The following IARS1 variants were observed in gnomAD, a reference collection of about 807,000 sequenced individuals.
The protein encoded by IARS1 is isoleucyl-tRNA synthetase 1, also known as isoleucine--tRNA ligase, cytoplasmic.
In IARS1, 124 loss-of-function variants were observed where a neutral mutation model predicts 168.2. The observed-to-expected ratio is 0.74, with a 90% CI of 0.64 to 0.86. The LOEUF (loss-of-function observed/expected upper bound fraction) is 0.86. Among genes scored for constraint, IARS1 ranks in the 40% least tolerant of loss-of-function variants. IARS1 has a pLI of 0.00. For synonymous variants in IARS1, 532 were observed against 529.4 expected (o/e 1.00, Z -0.07); for missense variants, 1,452 against 1,515.8 (o/e 0.96, Z 0.70).
chr9:92,289,121 C>T (rs973357771), intron 2 of IARS1, among the ~76,000 whole-genome samples, 180 bp downstream of exon 2: 2 of 148,878 alleles, frequency 1.3e-5, no homozygotes, highest in Non-Finnish European at 3.0e-5. Flanking sequence ...GCAGGAGAAT[C>T]ACTTGCATCC....
Position 92,229,087 on chromosome 9 carries a change from C to T in IARS1, c.3323G>A (p.Arg1108Lys). The change falls in exon 31 of 34, where the codon AGG (arginine) becomes AAG (lysine). Residue 1108 changes from arginine (R) to lysine (K), a missense_variant. Transcript: ENST00000443024. ...LLLENPKGDNRLDLLKLKSVV... is the reference protein window; with the variant it reads ...LLLENPKGDNKLDLLKLKSVV... ...ACTCTTCAGCTTTAAAAGGTCCAAC[C>T]TATTGTCACCTTTTGGATTTTCCAG... 1 of 1,613,918 alleles carries T rather than the reference C, an allele frequency of 6.2e-7. No individual in the cohort carries two copies. Among genetic ancestry groups the T allele is most frequent in the East Asian group, 2.2e-5 (1 of 44,868 alleles).
intron 33 of IARS1, among the ~76,000 whole-genome samples, chr9:92,219,842 T>C (rs1001747561): frequency 1.3e-5 from 2 of 149,682 alleles, no homozygotes; most frequent in South Asian, 2.1e-4. Flanking sequence ...AGTTCAACCA[T>C]TGTGGAAGTC....
chr9:92,290,848 G>A (rs1836205973), intron 1 of IARS1, among the ~76,000 whole-genome samples: 1 of 152,044 alleles, frequency 6.6e-6, no homozygotes. Context: ...ACACTCACAT[G>A]ACAGAAATCA....
At chr9:92,270,047 T>A in intron 12 of IARS1, 64 bp from the exon 13 acceptor site, 1 of 926,948 alleles carries the variant, frequency 1.1e-6, no homozygotes, top group Admixed American at 1.7e-5. Context: ...ACGGTAAGAC[T>A]GACTTTTCAT....
At chr9:92,249,335 T>C (rs1829683068) in intron 25 of IARS1, among the ~76,000 whole-genome samples, 1 of 152,202 alleles carries the variant, frequency 6.6e-6, no homozygotes, top group African/African-American at 2.4e-5. Flanking sequence ...GCAGATCACT[T>C]GAGGTCAGGA....
In IARS1 at chr9:92,266,841, T is replaced by C. The variant is rs28584099; in HGVS notation, c.1432-1288A>G. Among the ~76,000 whole-genome samples the C allele has an allele frequency of 8.2e-3, 1,243 of 152,326 alleles. 16 individuals carry two copies. The highest frequency in any genetic ancestry group is 0.028 in the African/African-American group (1,177 of 41,580). Reference sequence around the variant, plus strand: ...GTCCTCCCCACATGCAGATGTCTAGTCTTCAACTTTCCAGTCATGCAGAAT... The same window carrying C: ...GTCCTCCCCACATGCAGATGTCTAGCCTTCAACTTTCCAGTCATGCAGAAT... On this transcript the variant is annotated intron_variant, in intron 14 of 33. Coordinates refer to ENST00000443024, the MANE Select transcript of IARS1 (RefSeq NM_002161.6).
chr9:92,286,105 C>T (rs1293415532), intron 5 of IARS1: 5 of 357,728 alleles, frequency 1.4e-5, no homozygotes, highest in Non-Finnish European at 2.6e-5. Context: ...CAGTGGCTCA[C>T]GTCTGTAATC....
intron 26 of IARS1, among the ~76,000 whole-genome samples, chr9:92,246,547 C>T (rs987003779): frequency 6.6e-6 from 1 of 152,200 alleles, no homozygotes; most frequent in African/African-American, 2.4e-5. Flanking sequence ...TGTTACCCTA[C>T]ACCTTCCCTT....
At chr9:92,238,713 C>T (rs909758853) in intron 30 of IARS1, among the ~76,000 whole-genome samples, 2 of 152,000 alleles carry the variant, frequency 1.3e-5, no homozygotes, top group African/African-American at 4.8e-5. Flanking sequence ...TTATATGTAT[C>T]CTGTGGTATA....
At chr9:92,228,610 A>C (rs1474138848) in intron 31 of IARS1, among the ~76,000 whole-genome samples, 1 of 152,196 alleles carries the variant, frequency 6.6e-6, no homozygotes, top group Non-Finnish European at 1.5e-5. Flanking sequence ...GTTACTTGGG[A>C]GGTCAAGGCA....
intron 30 of IARS1, among the ~76,000 whole-genome samples, chr9:92,230,735 C>T (rs1004218260): frequency 1.9e-4 from 29 of 152,142 alleles, no homozygotes; most frequent in African/African-American, 7.0e-4. Flanking sequence ...TTCTCACCAG[C>T]AATGTATGAG....
intron 17 of IARS1, among the ~76,000 whole-genome samples, chr9:92,261,703 T>C (rs2133804354): frequency 6.6e-6 from 1 of 152,270 alleles, no homozygotes; most frequent in South Asian, 2.1e-4. Flanking sequence ...AAGGGATCTC[T>C]ATTATTTTTC....
chr9:92,285,993 C>T (rs1835392478), intron 5 of IARS1, 154 bp from the exon 6 acceptor site: 1 of 574,526 alleles, frequency 1.7e-6, no homozygotes, highest in Non-Finnish European at 3.1e-6. Flanking sequence ...TATAACAGAT[C>T]AATATAGTAA....
chr9:92,265,600 G>C, intron 14 of IARS1, 47 bp from the exon 15 acceptor site: 1 of 1,348,620 alleles, frequency 7.4e-7, no homozygotes, highest in African/African-American at 1.4e-5. Flanking sequence ...GAGCCAAACA[G>C]AGCATACTGA....
intron 33 of IARS1, among the ~76,000 whole-genome samples, chr9:92,213,279 G>A (rs1353578443): frequency 6.6e-6 from 1 of 152,154 alleles, no homozygotes; most frequent in Non-Finnish European, 1.5e-5. Flanking sequence ...AAACCGGGAA[G>A]TCCAACAAAT....
intron 33 of IARS1, among the ~76,000 whole-genome samples, chr9:92,217,969 C>G (rs917311318): frequency 3.3e-5 from 5 of 151,824 alleles, no homozygotes; most frequent in African/African-American, 1.2e-4. Flanking sequence ...GAGACACAAC[C>G]AAAAAAGAGA....
intron 33 of IARS1, among the ~76,000 whole-genome samples, chr9:92,211,914 T>C (rs1837825609): frequency 6.6e-6 from 1 of 152,134 alleles, no homozygotes; most frequent in South Asian, 2.1e-4. Context: ...ACGAAAACTC[T>C]GAGCATCCAA....
At chr9:92,291,487 GTTTAA>G (rs1391143418) in intron 1 of IARS1, among the ~76,000 whole-genome samples, 2 of 152,128 alleles carry the variant, frequency 1.3e-5, no homozygotes, top group Non-Finnish European at 2.9e-5. Flanking sequence ...GTGCCTCTGA[GTTTAA>G]TTTAAGAAAA....
intron 1 of IARS1, among the ~76,000 whole-genome samples, chr9:92,291,779 G>T (rs1362146472): frequency 1.3e-5 from 2 of 152,032 alleles, no homozygotes; most frequent in Non-Finnish European, 2.9e-5. Context: ...TCTCTTCAAG[G>T]CTGGTCCTAC....
Sources: allele counts gnomAD v4.1 joint callset (sites outside exome capture counted in the v4.1 genomes callset), GRCh38; gene constraint gnomAD v4.1.1; transcripts MANE v1.5; gene names NCBI Gene and HGNC (gene_info 2026-07-23, HGNC 2026-07-21).